The following TM9SF2 variants were observed in gnomAD, a reference collection of about 807,000 sequenced individuals.
TM9SF2 encodes 76 kDa membrane protein.
TM9SF2 carries 13 observed loss-of-function variants against 84.9 expected under a neutral mutation model. The observed-to-expected ratio is 0.15, with a 90% CI of 0.10 to 0.24. The LOEUF (loss-of-function observed/expected upper bound fraction) is 0.24, where lower values mean the gene tolerates loss of function less well. Ranked by LOEUF, TM9SF2 falls within the 10% of genes least tolerant of loss-of-function variation. The probability of loss-of-function intolerance (pLI) is 1.00; values close to 1 mark genes in which losing one functional copy is unlikely to be tolerated. For missense variants in TM9SF2, 562 were observed against 818.5 expected (o/e 0.69, Z 3.82); for synonymous variants, 273 against 285.8 (o/e 0.96, Z 0.45).
At position 99,540,816 on chromosome 13, in the gene TM9SF2, C is replaced by T. The variant is rs543012571; in HGVS notation, c.908+23C>T. On this transcript the variant is annotated intron_variant, in intron 8 of 16. Coordinates refer to ENST00000376387, the MANE Select transcript of TM9SF2 (RefSeq NM_004800.3). ...TAGGTAAGAGTACAGAGTTAGCCTG[C>T]TTTTGCTTTCTACTTTTCTACCCTC... 4.7e-4 allele frequency: 744 copies of T among 1,591,024 alleles called. 6 individuals carry two copies. The South Asian group carries it at 6.1e-3, about 13-fold the overall frequency.
At chr13:99,562,401 A>G (rs927753072) in intron 16 of TM9SF2, among the ~76,000 whole-genome samples, 9 of 152,220 alleles carry the variant, frequency 5.9e-5, no homozygotes, top group African/African-American at 2.2e-4. Context: ...ATAGGAAAGG[A>G]CAGTTGACAT....
intron 9 of TM9SF2, among the ~76,000 whole-genome samples, chr13:99,541,940 A>G (rs900554665): frequency 1.4e-4 from 21 of 152,162 alleles, no homozygotes; most frequent in Non-Finnish European, 1.3e-4. Flanking sequence ...ACCTGAGGTC[A>G]GGAGTTCAAG....
intron 10 of TM9SF2, among the ~76,000 whole-genome samples, chr13:99,546,441 C>T (rs577486113): frequency 3.9e-4 from 59 of 152,196 alleles, no homozygotes; most frequent in African/African-American, 1.3e-3. Flanking sequence ...AGGGTTTCCC[C>T]GTATTGCTGA....
At chr13:99,538,499 A>T (rs1276712160) in intron 6 of TM9SF2, among the ~76,000 whole-genome samples, 7 of 150,148 alleles carry the variant, frequency 4.7e-5, no homozygotes, top group South Asian at 2.1e-4. Context: ...TTTTTTTTTT[A>T]AATAAGATTA....
chr13:99,525,825 G>C (rs2046180636), intron 3 of TM9SF2, among the ~76,000 whole-genome samples: 1 of 152,192 alleles, frequency 6.6e-6, no homozygotes, highest in Admixed American at 6.5e-5. Context: ...AAAGTGCTGG[G>C]ATTACAGGCG....
At chr13:99,512,387 A>T (rs9585105) in intron 1 of TM9SF2, among the ~76,000 whole-genome samples, 1 of 152,230 alleles carries the variant, frequency 6.6e-6, no homozygotes, top group Non-Finnish European at 1.5e-5. Flanking sequence ...CAGCATTCTG[A>T]TGATACATTC....
At position 99,503,709 on chromosome 13, in the gene TM9SF2, CAAAAAAA is replaced by C. The variant is rs386380419; in HGVS notation, c.171+1949_171+1955del. On this transcript the variant is annotated intron_variant, in intron 1 of 16. Transcript: ENST00000376387. ...TGGGCAACAGAGCGAGACTTTGTCT[CAAAAAAA>C]AAAAAAAAAAAAAAAAGAAGAAGAA... 2.2e-4 allele frequency among the ~76,000 whole-genome samples: 17 copies of C among 78,502 alleles called. No individual in the cohort carries two copies. In the Admixed American group the frequency reaches 2.3e-3, roughly 11 times the overall value. 51.5% of individuals were successfully genotyped at this position (78,502 alleles called of 152,430 possible).
intron 12 of TM9SF2, among the ~76,000 whole-genome samples, chr13:99,551,650 C>A (rs1185225810): frequency 6.6e-6 from 1 of 152,090 alleles, no homozygotes; most frequent in Admixed American, 6.5e-5. Context: ...AGAAGAAAGA[C>A]TGAATGGAAA....
At chr13:99,559,724 G>T (rs1034121858) in intron 16 of TM9SF2, among the ~76,000 whole-genome samples, 190 bp downstream of exon 16, 1 of 152,104 alleles carries the variant, frequency 6.6e-6, no homozygotes, top group Admixed American at 6.6e-5. Flanking sequence ...ACAGAAGCTG[G>T]GGAAGAAGGC....
intron 13 of TM9SF2, among the ~76,000 whole-genome samples, chr13:99,553,528 A>G (rs1387282463): frequency 4.6e-5 from 7 of 152,242 alleles, no homozygotes; most frequent in African/African-American, 1.7e-4. Context: ...GTTGATATAC[A>G]TGATTCTCTG....
intron 9 of TM9SF2, 99 bp from the exon 10 acceptor site, chr13:99,543,764 A>G: frequency 6.8e-7 from 1 of 1,464,054 alleles, no homozygotes; most frequent in South Asian, 1.5e-5. Context: ...TTTAAAAAAA[A>G]CCTGTTTTCT....
intron 10 of TM9SF2, 24 bp from the exon 11 acceptor site, chr13:99,546,961 A>T: frequency 1.2e-6 from 2 of 1,614,092 alleles, no homozygotes; most frequent in Non-Finnish European, 1.7e-6. Flanking sequence ...TAACATGTAC[A>T]GCCTTTCACG....
Position 99,536,632 on chromosome 13 carries a change from G to C in TM9SF2, c.486G>C (p.Thr162=), listed in dbSNP as rs776825836. 74 of 1,613,468 alleles carry C rather than the reference G, an allele frequency of 4.6e-5. No homozygotes were observed. Among genetic ancestry groups the C allele is most frequent in the Admixed American group, 1.0e-4 (6 of 59,994 alleles). The change falls in exon 5 of 17, where the codon ACG becomes ACC. Residue 162 remains threonine, a synonymous_variant. Coordinates refer to ENST00000376387, the MANE Select transcript of TM9SF2 (RefSeq NM_004800.3). The part of the protein sequence containing the change: ...HHWIVDNMPV[T]WCYDVEDGQR... ...GGATTGTGGATAATATGCCTGTAAC[G>C]TGGTGTTACGATGTTGAAGATGGTC...
At chr13:99,510,931 T>C (rs913859209) in intron 1 of TM9SF2, among the ~76,000 whole-genome samples, 1 of 152,260 alleles carries the variant, frequency 6.6e-6, no homozygotes, top group Non-Finnish European at 1.5e-5. Flanking sequence ...TTTCTCGTGG[T>C]CTTCAGGATC....
chr13:99,532,977 T>C (rs980582114), intron 4 of TM9SF2, among the ~76,000 whole-genome samples: 8 of 152,222 alleles, frequency 5.3e-5, no homozygotes, highest in African/African-American at 1.9e-4. Flanking sequence ...ATTTGGAAAA[T>C]GTTGATTCAC....
In TM9SF2 at chr13:99,515,975, G is replaced by A. The variant is rs564041802; in HGVS notation, c.172-1639G>A. Among the ~76,000 whole-genome samples, 71 of 152,172 alleles carry A rather than the reference G, an allele frequency of 4.7e-4. 1 individual carries two copies. Among genetic ancestry groups the A allele is most frequent in the African/African-American group, 1.6e-3 (68 of 41,532 alleles). On this transcript the variant is annotated intron_variant, in intron 1 of 16. Transcript: ENST00000376387. ...TCAATCTCCTGACCTCAGGTGATCC[G>A]CCCGCCTTGGCCTCCCAAAGTGCTG...
chr13:99,561,764 C>G (rs1462396459), intron 16 of TM9SF2, among the ~76,000 whole-genome samples: 2 of 152,152 alleles, frequency 1.3e-5, no homozygotes, highest in Non-Finnish European at 2.9e-5. Context: ...AAAATTTATA[C>G]AAGGATTATT....
At chr13:99,550,698 A>G (rs1053248791) in intron 12 of TM9SF2, among the ~76,000 whole-genome samples, 3 of 152,226 alleles carry the variant, frequency 2.0e-5, no homozygotes, top group Non-Finnish European at 2.9e-5. Context: ...TTCTACATAA[A>G]TAAACACCTG....
intron 4 of TM9SF2, among the ~76,000 whole-genome samples, chr13:99,529,832 C>T (rs980121017): frequency 5.9e-5 from 9 of 152,100 alleles, no homozygotes; most frequent in African/African-American, 1.2e-4. Context: ...TCTTTTGATA[C>T]ATAGATCTGG....
Sources: allele counts gnomAD v4.1 joint callset (sites outside exome capture counted in the v4.1 genomes callset), GRCh38; gene constraint gnomAD v4.1.1; transcripts MANE v1.5; gene names NCBI Gene and HGNC (gene_info 2026-07-23, HGNC 2026-07-21).